Variants in AKAP13 observed in about 807,000 individuals in gnomAD.
AKAP13 encodes A-kinase anchoring protein 13, also known as A-kinase anchor protein 13.
In AKAP13, 80 loss-of-function variants were observed where a neutral mutation model predicts 264.5. The observed-to-expected ratio is 0.30, with a 90% CI of 0.25 to 0.36. The LOEUF is 0.36. Among genes scored for constraint, AKAP13 ranks in the 10% least tolerant of loss-of-function variants. The probability of loss-of-function intolerance (pLI) is 1.00; values close to 1 mark genes in which losing one functional copy is unlikely to be tolerated. For synonymous variants in AKAP13, 1,380 were observed against 1,250.2 expected (o/e 1.10, Z -2.19); for missense variants, 3,712 against 3,435.2 (o/e 1.08, Z -2.01).
chr15:85,498,224 A>ATATATATATATATATATATATATATC (rs918992626), intron 2 of AKAP13, among the ~76,000 whole-genome samples: 1 of 118,888 alleles, frequency 8.4e-6, no homozygotes, highest in East Asian at 2.4e-4. Flanking sequence ...ATATATATAT[A>ATATATATATATATATATATATATATC]TATCACATTG....
At chr15:85,741,548 C>T (rs2088964729) in intron 35 of AKAP13, 53 bp downstream of exon 35, 4 of 1,512,266 alleles carry the variant, frequency 2.6e-6, no homozygotes, top group Admixed American at 2.2e-5. Context: ...ATTAAGACCC[C>T]CTGTGTATTA....
chr15:85,479,915 A>G (rs946826840), intron 1 of AKAP13, among the ~76,000 whole-genome samples: 1 of 152,088 alleles, frequency 6.6e-6, no homozygotes, highest in Non-Finnish European at 1.5e-5. Context: ...GGTTCTAGGG[A>G]CTTTTGGTAA....
chr15:85,461,378 A>T (rs1239999052), intron 1 of AKAP13, among the ~76,000 whole-genome samples: 1 of 152,154 alleles, frequency 6.6e-6, no homozygotes, highest in Non-Finnish European at 1.5e-5. Context: ...GGCCTCCCAG[A>T]GTGCTGGGAT....
intron 5 of AKAP13, among the ~76,000 whole-genome samples, chr15:85,564,875 G>A (rs2078546829): frequency 6.6e-6 from 1 of 152,128 alleles, no homozygotes; most frequent in African/African-American, 2.4e-5. Flanking sequence ...ACACGGTCCT[G>A]GTTCTCAATG....
intron 17 of AKAP13, chr15:85,701,032 A>C (rs2085879163): frequency 6.6e-6 from 1 of 152,226 alleles, no homozygotes; most frequent in Non-Finnish European, 1.5e-5. Context: ...TTGCAACTCA[A>C]AATAAATCTG....
At chr15:85,433,105 C>T (rs2150929884) in intron 1 of AKAP13, among the ~76,000 whole-genome samples, 1 of 145,062 alleles carries the variant, frequency 6.9e-6, no homozygotes, top group East Asian at 2.0e-4. Context: ...ACACTGTGTT[C>T]CCTTCTGTAC....
Position 85,579,931 on chromosome 15 carries a change from C to T in AKAP13, c.1863C>T (p.Ala621=). The change falls in exon 7 of 37, where the codon GCC becomes GCT. Residue 621 remains alanine, a synonymous_variant. Transcript: ENST00000394518. ...IGEAMSPSDL[A]LLGLEEDVMP... is the part of the protein sequence containing the mutation. ...AGGCAATGTCACCCTCAGATTTAGC[C>T]CTTCTTGGGCTGGAAGAAGATGTAA... 1.9e-6 allele frequency: 3 copies of T among 1,614,152 alleles called. No homozygotes were observed. The highest frequency in any genetic ancestry group is 2.5e-6 in the Non-Finnish European group (3 of 1,180,020).
At chr15:85,737,813 T>C (rs1395800931) in intron 33 of AKAP13, among the ~76,000 whole-genome samples, 2 of 151,998 alleles carry the variant, frequency 1.3e-5, no homozygotes, top group Non-Finnish European at 2.9e-5. Context: ...AATTTTTTTG[T>C]ATTTTAGTAG....
intron 8 of AKAP13, among the ~76,000 whole-genome samples, chr15:85,612,396 AT>A (rs1041588008): frequency 6.6e-6 from 1 of 152,034 alleles, no homozygotes; most frequent in Admixed American, 6.6e-5. Context: ...TCTGAAATAG[AT>A]TTTTTTTACT....
intron 1 of AKAP13, among the ~76,000 whole-genome samples, chr15:85,404,093 G>T (rs1376107192): frequency 1.3e-5 from 2 of 152,082 alleles, no homozygotes; most frequent in African/African-American, 2.4e-5. Context: ...GTATAATCTA[G>T]CTTATCCTGA....
Position 85,579,994 on chromosome 15 carries a change from T to G in AKAP13, c.1926T>G (p.Ala642=). ...ACTCAGAAACAAATTCATCTCATGC[T>G]CAAAGCCAAAAGGGCAAATCCTCAC... The part of the protein sequence containing the change: ...HQNSETNSSH[A]QSQKGKSSPI... Residue 642 remains alanine (A), a synonymous_variant, in exon 7 of 37, where the codon GCT becomes GCG. Coordinates refer to ENST00000394518, the MANE Select transcript of AKAP13 (RefSeq NM_007200.5). 2 of 1,614,208 alleles carry G rather than the reference T, an allele frequency of 1.2e-6. No individual in the cohort carries two copies. The highest frequency in any genetic ancestry group is 1.7e-6 in the Non-Finnish European group (2 of 1,180,024).
At chr15:85,500,849 A>C (rs1223454360) in intron 2 of AKAP13, among the ~76,000 whole-genome samples, 1 of 152,144 alleles carries the variant, frequency 6.6e-6, no homozygotes, top group Non-Finnish European at 1.5e-5. Context: ...CCCTTCACAA[A>C]GCTCTGTGTC....
intron 16 of AKAP13, among the ~76,000 whole-genome samples, chr15:85,691,177 C>T (rs189171574): frequency 1.3e-5 from 2 of 152,228 alleles, no homozygotes; most frequent in East Asian, 3.9e-4. Context: ...ACCCATTTTC[C>T]TGGAATTTTT....
At chr15:85,601,608 T>TGTGTGTGTGTGTGTGTGTGTGTG (rs2080075703) in intron 8 of AKAP13, among the ~76,000 whole-genome samples, 2 of 131,990 alleles carry the variant, frequency 1.5e-5, no homozygotes, top group African/African-American at 5.7e-5. Context: ...CCTGAATTCT[T>TGTGTGTGTGTGTGTGTGTGTGTG]TGTGTGTGTG....
At chr15:85,558,662 T>G (rs1193532235) in intron 5 of AKAP13, among the ~76,000 whole-genome samples, 2 of 152,232 alleles carry the variant, frequency 1.3e-5, no homozygotes, top group Non-Finnish European at 2.9e-5. Context: ...AGTTGGAAGC[T>G]TGTTAATCAG....
intron 4 of AKAP13, chr15:85,537,016 A>G (rs1596467034): frequency 6.6e-6 from 1 of 152,256 alleles, no homozygotes; most frequent in Non-Finnish European, 1.5e-5. Context: ...TGTAAGTTGT[A>G]TACTTTGCAA....
intron 3 of AKAP13, among the ~76,000 whole-genome samples, chr15:85,526,300 T>C (rs533698765): frequency 7.0e-4 from 106 of 152,278 alleles, no homozygotes; most frequent in Non-Finnish European, 1.3e-3. Context: ...CACTCTTTTG[T>C]CCAGGCTGAA....
chr15:85,431,424 A>G (rs151244826), intron 1 of AKAP13, among the ~76,000 whole-genome samples: 141 of 152,366 alleles, frequency 9.3e-4, no homozygotes, highest in Non-Finnish European at 1.6e-3. Flanking sequence ...GGGTAGTGGT[A>G]GTACATTCTT....
chr15:85,644,344 G>T (rs952417691), intron 9 of AKAP13, among the ~76,000 whole-genome samples: 14 of 151,476 alleles, frequency 9.2e-5, no homozygotes, highest in African/African-American at 2.2e-4. Flanking sequence ...GGGTTCAAGC[G>T]ATTCTTCTGC....
Sources: gnomAD v4.1 joint callset for allele counts (sites outside exome capture counted in the v4.1 genomes callset) on GRCh38, gnomAD v4.1.1 for gene constraint, MANE v1.5 for transcripts, NCBI Gene and HGNC (gene_info 2026-07-23, HGNC 2026-07-21) for gene names.